AHCYL2: variants seen among roughly 807,000 people sequenced by gnomAD.
The protein encoded by AHCYL2 is adenosylhomocysteinase like 2.
A neutral mutation model predicts 81.4 loss-of-function variants in AHCYL2; 28 were observed. The observed-to-expected ratio is 0.34, with a 90% CI of 0.25 to 0.47. The LOEUF is 0.47. AHCYL2 is among the 20% of genes least tolerant of loss of function. AHCYL2 has a pLI of 1.00. For missense variants in AHCYL2, 551 were observed against 785.1 expected, an observed-to-expected ratio of 0.70 and a Z score of 3.56; for synonymous variants, 272 against 290.2, an observed-to-expected ratio of 0.94 and a Z score of 0.64.
rs1005628337 is a variant in AHCYL2, at chr7:129,368,417, G to C, written c.364-11221G>C. On this transcript the variant is annotated intron_variant, in intron 1 of 16. Coordinates refer to ENST00000325006, the MANE Select transcript of AHCYL2 (RefSeq NM_015328.4). The surrounding 1 kb of genome is among the most constrained non-coding windows in gnomAD (Gnocchi z 4.4). ...ATCTCACTAGGGTTGGGTCTGCTTTGGGGCACTCAGATAACCCCAGTATTT... is the reference window on the plus strand; with the variant it reads ...ATCTCACTAGGGTTGGGTCTGCTTTCGGGCACTCAGATAACCCCAGTATTT... 1.2e-5 allele frequency: 19 copies of C among 1,611,188 alleles called. No homozygotes were observed. The Middle Eastern group carries it at 5.1e-4, about 43-fold the overall frequency.
At chr7:129,345,000 C>T (rs974300490) in intron 1 of AHCYL2, among the ~76,000 whole-genome samples, 8 of 151,976 alleles carry the variant, frequency 5.3e-5, no homozygotes, top group Admixed American at 3.9e-4. Flanking sequence ...ACTAAAAATA[C>T]GAAAATTAGC....
intron 1 of AHCYL2, among the ~76,000 whole-genome samples, chr7:129,260,044 C>A (rs1416160876): frequency 6.6e-6 from 1 of 151,412 alleles, no homozygotes; most frequent in African/African-American, 2.4e-5. Context: ...CCTTTGCCCT[C>A]CAGCCTGGGC....
chr7:129,342,114 G>A (rs946587365), intron 1 of AHCYL2, among the ~76,000 whole-genome samples: 13 of 152,140 alleles, frequency 8.5e-5, no homozygotes, highest in Non-Finnish European at 1.8e-4. Context: ...GACAGAGCAG[G>A]CATTTTAAAC....
intron 1 of AHCYL2, among the ~76,000 whole-genome samples, chr7:129,349,416 C>T (rs1162244447): frequency 7.0e-6 from 1 of 143,432 alleles, no homozygotes; most frequent in Non-Finnish European, 1.5e-5. Context: ...AGAGAATCAC[C>T]TGAGGTCAGT....
intron 1 of AHCYL2, among the ~76,000 whole-genome samples, chr7:129,336,025 T>G (rs906517124): frequency 6.7e-6 from 1 of 148,938 alleles, no homozygotes; most frequent in Non-Finnish European, 1.5e-5. Context: ...CTGAAGTTTC[T>G]TTTCTTTTCT....
intron 1 of AHCYL2, among the ~76,000 whole-genome samples, chr7:129,314,116 G>A (rs1175998354): frequency 6.6e-6 from 1 of 152,156 alleles, no homozygotes; most frequent in African/African-American, 2.4e-5. Flanking sequence ...GTGACTAGAG[G>A]TAGCAGATGG....
At chr7:129,396,822 C>G (rs1321673789) in intron 4 of AHCYL2, among the ~76,000 whole-genome samples, 1 of 152,180 alleles carries the variant, frequency 6.6e-6, no homozygotes, top group African/African-American at 2.4e-5. Context: ...CAGGCTCAAG[C>G]AGTCCTCCCA....
rs956183839 is a variant in AHCYL2 at position 129,344,924 on chromosome 7, G to A, written c.364-34714G>A. Reference sequence around the variant, plus strand: ...AATCCCAGCACTTTGGGAGGCCGAGGCGGGTGGATCACCTGAGGTCAGGAG... The same window carrying A: ...AATCCCAGCACTTTGGGAGGCCGAGACGGGTGGATCACCTGAGGTCAGGAG... On this transcript the variant is annotated intron_variant, in intron 1 of 16. Coordinates refer to ENST00000325006, the MANE Select transcript of AHCYL2 (RefSeq NM_015328.4). Among the ~76,000 whole-genome samples, 11 of 152,322 alleles carry A rather than the reference G, an allele frequency of 7.2e-5. No homozygotes were observed. The South Asian group carries it at 8.3e-4, about 11-fold the overall frequency.
At position 129,369,317 on chromosome 7, in the gene AHCYL2, C is replaced by T. The variant is rs111693991; in HGVS notation, c.364-10321C>T. 6.2e-3 allele frequency among the ~76,000 whole-genome samples: 946 copies of T among 152,154 alleles called. 11 individuals are homozygous for T. The highest frequency in any genetic ancestry group is 0.022 in the African/African-American group (912 of 41,508). ...GTTTATGTTTACAGATTTGTGTTTC[C>T]CCACTATGGAAAACTAGTTAGACTC... On this transcript the variant is annotated intron_variant, in intron 1 of 16. Transcript: ENST00000325006.
rs1181621904 is a variant in AHCYL2 at position 129,333,308 on chromosome 7, C to CAAA, written c.364-46310_364-46308dup. 7.9e-3 allele frequency among the ~76,000 whole-genome samples: 532 copies of CAAA among 67,454 alleles called. 4 individuals are homozygous for CAAA. Among genetic ancestry groups the CAAA allele is most frequent in the African/African-American group, 0.025 (503 of 20,482 alleles). The allele number at this position is 67,454 out of a possible 152,430, so 44.3% of individuals were successfully genotyped here. A position where few individuals can be genotyped will look rare whatever the true frequency, so the allele number is the denominator to read the frequency against. ...AACTTAGCGAGATCTCATCTCTACC[C>CAAA]AAAAAAAAAAAAAAAAAAAAAATTT... is the stretch of plus-strand genomic sequence containing the variant. On this transcript the variant is annotated intron_variant, in intron 1 of 16. Transcript: ENST00000325006.
At chr7:129,244,279 C>A (rs1309440966) in intron 1 of AHCYL2, among the ~76,000 whole-genome samples, 1 of 151,762 alleles carries the variant, frequency 6.6e-6, no homozygotes, top group South Asian at 2.1e-4. Flanking sequence ...GCTGGAATTA[C>A]AGGCATGAGC....
At chr7:129,283,973 A>C (rs1002518064) in intron 1 of AHCYL2, among the ~76,000 whole-genome samples, 2 of 152,226 alleles carry the variant, frequency 1.3e-5, no homozygotes, top group Non-Finnish European at 2.9e-5. Flanking sequence ...TAATATCTTT[A>C]AACCTTTCTA....
chr7:129,326,827 A>G (rs1286180442), intron 1 of AHCYL2, among the ~76,000 whole-genome samples: 3 of 152,158 alleles, frequency 2.0e-5, no homozygotes, highest in African/African-American at 7.2e-5. Flanking sequence ...AGTCTGTCCT[A>G]AAAGGAGATT....
At chr7:129,334,336 G>A (rs1584794549) in intron 1 of AHCYL2, among the ~76,000 whole-genome samples, 2 of 151,996 alleles carry the variant, frequency 1.3e-5, no homozygotes, top group East Asian at 3.9e-4. Flanking sequence ...CTTTGCTGCC[G>A]TCTATGTATT....
rs562945263 is a variant in AHCYL2 at position 129,291,611 on chromosome 7, C to CT, written c.363+66181dup. On this transcript the variant is annotated intron_variant, in intron 1 of 16. Transcript: ENST00000325006. ...TATTGCCACAAAGTCTTTTTTTTTT[C>CT]TTTTTTTTTGAGACAGGGTCTTGCT... Among the ~76,000 whole-genome samples the CT allele has an allele frequency of 1.9e-3, 174 of 91,786 alleles. 2 individuals carry two copies. Among genetic ancestry groups the CT allele is most frequent in the African/African-American group, 4.7e-3 (114 of 24,358 alleles). 60.2% of individuals were successfully genotyped at this position (91,786 alleles called of 152,430 possible).
intron 1 of AHCYL2, among the ~76,000 whole-genome samples, chr7:129,247,574 C>A (rs1350896207): frequency 2.0e-5 from 3 of 150,008 alleles, no homozygotes; most frequent in African/African-American, 7.4e-5. Flanking sequence ...TTGAAAAAGT[C>A]CAATTTACTA....
intron 1 of AHCYL2, among the ~76,000 whole-genome samples, chr7:129,273,293 G>T (rs1268678340): frequency 1.4e-5 from 2 of 144,908 alleles, no homozygotes; most frequent in Non-Finnish European, 3.0e-5. Flanking sequence ...AGATCTCAGT[G>T]ATGCAACTGT....
chr7:129,266,205 C>A (rs1411201559), intron 1 of AHCYL2, among the ~76,000 whole-genome samples: 1 of 152,156 alleles, frequency 6.6e-6, no homozygotes, highest in Non-Finnish European at 1.5e-5. Context: ...TGACTGTTAA[C>A]AATTACAAAG....
In AHCYL2 at chr7:129,407,215, G is replaced by A. The variant is rs550965387; in HGVS notation, c.1295+749G>A. Among the ~76,000 whole-genome samples the A allele has an allele frequency of 3.3e-5, 5 of 152,162 alleles. No homozygotes were observed. In the East Asian group the frequency reaches 9.7e-4, roughly 29 times the overall value. On this transcript the variant is annotated intron_variant, in intron 10 of 16. Coordinates refer to ENST00000325006, the MANE Select transcript of AHCYL2 (RefSeq NM_015328.4). ...TAATTTTTTTAAATTAGCTGGGTGTGGTGGTGCATGCCTGTGGTCCCAGCT... is the reference window on the plus strand; with the variant it reads ...TAATTTTTTTAAATTAGCTGGGTGTAGTGGTGCATGCCTGTGGTCCCAGCT...
Sources: gnomAD v4.1 joint callset for allele counts (sites outside exome capture counted in the v4.1 genomes callset) on GRCh38, gnomAD v4.1.1 for gene constraint, Gnocchi (gnomAD v3.1) non-coding constraint, MANE v1.5 for transcripts, NCBI Gene and HGNC (gene_info 2026-07-23, HGNC 2026-07-21) for gene names.